The following ADPRHL1 variants were observed in gnomAD, a reference collection of about 807,000 sequenced individuals.
ADPRHL1 encodes the protein ADP-ribosylhydrolase like 1, also known as inactive ADP-ribosyltransferase ARH2.
ADPRHL1 carries 43 observed loss-of-function variants against 44.1 expected under a neutral mutation model. That is an observed-to-expected ratio of 0.98 (90% confidence interval 0.76 to 1.26). ADPRHL1 has a LOEUF of 1.26. Ranked by LOEUF, ADPRHL1 falls within the 50% of genes most tolerant of loss-of-function variation. The pLI is 0.00. For synonymous variants in ADPRHL1, 878 were observed against 1,017.4 expected, an observed-to-expected ratio of 0.86 and a Z score of 2.61; for missense variants, 2,022 against 2,496.9, an observed-to-expected ratio of 0.81 and a Z score of 4.05.
At chr13:113,408,359 G>GAA in intron 7 of ADPRHL1, 139 bp from the exon 8 acceptor site, 2 of 909,030 alleles carry the variant, frequency 2.2e-6, no homozygotes, top group Non-Finnish European at 2.9e-6. Context: ...TTAGGAGCCA[G>GAA]GAGCTGTGGC....
intron 7 of ADPRHL1, among the ~76,000 whole-genome samples, chr13:113,419,707 C>T (rs117310006): frequency 2.6e-5 from 4 of 152,024 alleles, no homozygotes; most frequent in African/African-American, 7.2e-5. Flanking sequence ...CACAGGAGTA[C>T]AATGGAATAC....
rs2044015718 is a variant in ADPRHL1, at chr13:113,432,717, C to T, written c.505+1025G>A. On this transcript the variant is annotated intron_variant, in intron 3 of 7. Coordinates refer to ENST00000612156, the MANE Select transcript of ADPRHL1 (RefSeq NM_001394807.1). ...TGTTGATCGAAGGCCGGTTGCTCACCGCTGTTCTCACGGAGGGGTGGGCAG... is the reference window on the plus strand; with the variant it reads ...TGTTGATCGAAGGCCGGTTGCTCACTGCTGTTCTCACGGAGGGGTGGGCAG... Among the ~76,000 whole-genome samples the T allele has an allele frequency of 3.3e-5, 5 of 151,154 alleles. No homozygotes were observed. In the South Asian group the frequency reaches 6.3e-4, roughly 19 times the overall value.
chr13:113,434,122 C>T (rs563822915), intron 2 of ADPRHL1, among the ~76,000 whole-genome samples: 9 of 152,298 alleles, frequency 5.9e-5, no homozygotes, highest in Admixed American at 2.0e-4. Flanking sequence ...GAGATATGCT[C>T]GTGATTTGCA....
rs1447618831 is a variant in ADPRHL1, at chr13:113,400,170, G to C, written c.*3208C>G. 7.5e-6 allele frequency: 1 copy of C among 133,482 alleles called. No individual in the cohort carries two copies. The highest frequency in any genetic ancestry group is 1.6e-5 in the Non-Finnish European group (1 of 63,788). 8.3% of individuals were successfully genotyped at this position (133,482 alleles called of 1,614,324 possible). A position where few individuals can be genotyped will look rare whatever the true frequency, so the allele number is the denominator to read the frequency against. On this transcript the variant is annotated 3_prime_UTR_variant, in exon 8 of 8. Coordinates refer to ENST00000612156, the MANE Select transcript of ADPRHL1 (RefSeq NM_001394807.1). ...CTTCTTTTTTTTTTTTTTTTTGACG[G>C]AGTCTCGCTCTGTCACCCAGGCTGG... is the stretch of plus-strand genomic sequence containing the variant.
intron 1 of ADPRHL1, among the ~76,000 whole-genome samples, chr13:113,452,289 A>G (rs1027453487): frequency 2.6e-5 from 4 of 152,174 alleles, no homozygotes; most frequent in African/African-American, 9.7e-5. Context: ...CGGGAGCCTT[A>G]TCTTATCGCC....
chr13:113,403,455 G>C lies in ADPRHL1; in HGVS notation c.5827C>G (p.Arg1943Gly). 1 of 1,232,090 alleles carries C rather than the reference G, an allele frequency of 8.1e-7. No homozygotes were observed. The highest frequency in any genetic ancestry group is 1.6e-5 in the African/African-American group (1 of 64,504). The allele number at this position is 1,232,090 out of a possible 1,614,324, so 76.3% of individuals were successfully genotyped here. A position where few individuals can be genotyped will look rare whatever the true frequency, so the allele number is the denominator to read the frequency against. ...HLAKYKAQSF[R>G]DQRAFDLSFR... ...GACAAATCGAAGGCCCTCTGGTCAC[G>C]GAAGCTCTGGGCTTTGTACTTGGCC... is the stretch of plus-strand genomic sequence containing the variant. Residue 1943 changes from arginine (R) to glycine (G), a missense_variant, in exon 8 of 8, where the codon CGT (arginine) becomes GGT (glycine). This residue lies in a region of ADPRHL1 where 205 missense variants were observed against 250.1 expected (regional missense o/e 0.82). Transcript: ENST00000612156.
intron 2 of ADPRHL1, among the ~76,000 whole-genome samples, chr13:113,436,995 C>G (rs1428654935): frequency 6.8e-6 from 1 of 147,214 alleles, no homozygotes; most frequent in Non-Finnish European, 1.5e-5. Flanking sequence ...ACCCAGCACC[C>G]AGGTGTAGAG....
chr13:113,428,667 G>A lies in ADPRHL1; in HGVS notation c.646+285C>T, dbSNP rs185143849. Among the ~76,000 whole-genome samples, 408 of 152,386 alleles carry A rather than the reference G, an allele frequency of 2.7e-3. 1 individual carries two copies. Among genetic ancestry groups the A allele is most frequent in the Middle Eastern group, 0.02 (6 of 294 alleles). On this transcript the variant is annotated intron_variant, in intron 4 of 7. Coordinates refer to ENST00000612156, the MANE Select transcript of ADPRHL1 (RefSeq NM_001394807.1). ...TCGCTTGGTGCCGCGGGCTGGGGTG[G>A]ACGGGGACGGGTGGACCCGCCGGAG...
intron 7 of ADPRHL1, among the ~76,000 whole-genome samples, chr13:113,413,665 A>G (rs6577043): frequency 0.65 from 99,160 of 152,056 alleles, 33,887 homozygotes; most frequent in African/African-American, 0.84. Flanking sequence ...CGTCAGCCCC[A>G]CCCCTCAAAG....
rs1029349942 is a variant in ADPRHL1, at chr13:113,409,092, T to A, written c.1062-872A>T. ...CCGCCCTTTCCCAGTGAGATGTTTT[T>A]CTGCAGGTTCACCAGGGATTCCTTC... On this transcript the variant is annotated intron_variant, in intron 7 of 7. Transcript: ENST00000612156. This position sits in a 1 kb window ranked among gnomAD's most constrained non-coding sequence, Gnocchi z 4.2. Among the ~76,000 whole-genome samples, 13 of 152,218 alleles carry A rather than the reference T, an allele frequency of 8.5e-5. No individual in the cohort carries two copies. The highest frequency in any genetic ancestry group is 3.2e-3 in the Middle Eastern group (1 of 316).
At chr13:113,444,795 T>C (rs1045319793) in intron 1 of ADPRHL1, among the ~76,000 whole-genome samples, 3 of 152,142 alleles carry the variant, frequency 2.0e-5, no homozygotes, top group Non-Finnish European at 4.4e-5. Flanking sequence ...GCTAATTTTT[T>C]TGTATTTTTA....
intron 2 of ADPRHL1, among the ~76,000 whole-genome samples, chr13:113,443,123 C>T (rs2044110429): frequency 6.6e-6 from 1 of 152,146 alleles, no homozygotes; most frequent in African/African-American, 2.4e-5. Flanking sequence ...AATTCTGACA[C>T]CTGTGTTGGG....
intron 7 of ADPRHL1, among the ~76,000 whole-genome samples, chr13:113,414,151 T>A (rs928675854): frequency 6.6e-6 from 1 of 152,106 alleles, no homozygotes; most frequent in South Asian, 2.1e-4. Context: ...GCAGGGCCGG[T>A]TTCACGTGGC....
At chr13:113,420,751 G>T (rs558592606) in intron 7 of ADPRHL1, among the ~76,000 whole-genome samples, 1 of 151,952 alleles carries the variant, frequency 6.6e-6, no homozygotes, top group African/African-American at 2.4e-5. Flanking sequence ...AGAAGGCCAC[G>T]GATTCCTCCA....
rs757853245 is a variant in ADPRHL1, at chr13:113,433,348, GTTTC to G, written c.505+390_505+393del. Among the ~76,000 whole-genome samples, 11 of 152,240 alleles carry G rather than the reference GTTTC, an allele frequency of 7.2e-5. No individual in the cohort carries two copies. In the East Asian group the frequency reaches 7.7e-4, roughly 11 times the overall value. On this transcript the variant is annotated intron_variant, in intron 3 of 7. Coordinates refer to ENST00000612156, the MANE Select transcript of ADPRHL1 (RefSeq NM_001394807.1). Reference sequence around the variant, plus strand: ...CCCACCTGCACCCAGGCACTGGTGCGTTTCTTTGTCTTTTGTTCTGACACAAATG... The same window carrying G: ...CCCACCTGCACCCAGGCACTGGTGCGTTTGTCTTTTGTTCTGACACAAATG...
rs75172128 is a variant in ADPRHL1 at position 113,429,419 on chromosome 13, C to T, written c.506-327G>A. 7.0e-3 allele frequency among the ~76,000 whole-genome samples: 1,062 copies of T among 152,352 alleles called. 6 individuals carry two copies. The highest frequency in any genetic ancestry group is 0.023 in the African/African-American group (961 of 41,582). On this transcript the variant is annotated intron_variant, in intron 3 of 7. Transcript: ENST00000612156. Reference sequence around the variant, plus strand: ...TGCCTGCTCCTCGTGGGACCGCACGCGATTTGTCCCTTTGTGGCGGGCGTG... The same window carrying T: ...TGCCTGCTCCTCGTGGGACCGCACGTGATTTGTCCCTTTGTGGCGGGCGTG...
chr13:113,433,915 C>T lies in ADPRHL1; in HGVS notation c.380-48G>A, dbSNP rs1388379544. On this transcript the variant is annotated intron_variant, in intron 2 of 7. Transcript: ENST00000612156. ...GTTTAGACTTCTGCTCCAATAATTC[C>T]ACCCCTGACAATCTAGCTTTCATGA... The T allele has an allele frequency of 2.7e-6, 4 of 1,485,506 alleles. No individual in the cohort carries two copies. The East Asian group carries it at 7.6e-5, about 28-fold the overall frequency. 92.0% of individuals were successfully genotyped at this position (1,485,506 alleles called of 1,614,324 possible). A position where few individuals can be genotyped will look rare whatever the true frequency, so the allele number is the denominator to read the frequency against.
chr13:113,405,208 G>A lies in ADPRHL1; in HGVS notation c.4074C>T (p.Pro1358=), dbSNP rs541910602. 1.9e-5 allele frequency: 24 copies of A among 1,231,774 alleles called. No individual in the cohort carries two copies. The highest frequency in any genetic ancestry group is 4.2e-5 in the Admixed American group (1 of 23,710). The allele number at this position is 1,231,774 out of a possible 1,614,324, so 76.3% of individuals were successfully genotyped here. Residue 1358 remains proline, a synonymous_variant, in exon 8 of 8, where the codon CCC becomes CCT. Transcript: ENST00000612156. ...DTQAKLRASV[P]EPRTQAGESQ... ...ATTCACCTGCCTGCGTCCTAGGCTC[G>A]GGGACACTGGCCCGGAGCTTTGCCT...
chr13:113,407,536 C>T lies in ADPRHL1; in HGVS notation c.1746G>A (p.Arg582=), dbSNP rs1595536462. 2.4e-6 allele frequency: 3 copies of T among 1,232,276 alleles called. No homozygotes were observed. The highest frequency in any genetic ancestry group is 4.1e-5 in the South Asian group (1 of 24,322). 76.3% of individuals were successfully genotyped at this position (1,232,276 alleles called of 1,614,324 possible). ...TQERKKRNLQ[R]KRMHRPEVRV... ...GCACCTCCGGCCGGTGCATCCTCTT[C>T]CTCTGCAGGTTCCTCTTCTTCCGCT... The change falls in exon 8 of 8, where the codon AGG becomes AGA. Residue 582 remains arginine, a synonymous_variant. Transcript: ENST00000612156.
Sources: allele counts gnomAD v4.1 joint callset (sites outside exome capture counted in the v4.1 genomes callset), GRCh38; gene constraint gnomAD v4.1.1; regional missense constraint gnomAD v4.1.1; non-coding constraint Gnocchi (gnomAD v3.1); transcripts MANE v1.5; gene names NCBI Gene and HGNC (gene_info 2026-07-23, HGNC 2026-07-21).